The following PCSK5 variants were observed in gnomAD, a reference collection of about 807,000 sequenced individuals.
The protein encoded by PCSK5 is prohormone convertase 5.
In PCSK5, 129 loss-of-function variants were observed where a neutral mutation model predicts 233.2. The ratio of observed to expected loss-of-function variants is 0.55; its 90% CI spans 0.48 to 0.64. The LOEUF is 0.64. Among genes scored for constraint, PCSK5 ranks in the 30% least tolerant of loss-of-function variants. The pLI is 0.00. For synonymous variants in PCSK5, 825 were observed against 879.2 expected (o/e 0.94, Z 1.09); for missense variants, 2,076 against 2,430.1 (o/e 0.85, Z 3.06).
intron 30 of PCSK5, among the ~76,000 whole-genome samples, chr9:76,315,738 T>C (rs1286563692): frequency 6.6e-6 from 1 of 150,654 alleles, no homozygotes; most frequent in Non-Finnish European, 1.5e-5. Flanking sequence ...GTTCAAGCGA[T>C]TCTTCTGCCT....
intron 1 of PCSK5, among the ~76,000 whole-genome samples, chr9:75,923,079 C>T (rs1823324387): frequency 6.6e-6 from 1 of 152,146 alleles, no homozygotes; most frequent in Admixed American, 6.5e-5. Flanking sequence ...TGTGGCTCTA[C>T]AAAACCCTTT....
intron 7 of PCSK5, among the ~76,000 whole-genome samples, chr9:76,075,884 G>C (rs994476381): frequency 6.6e-6 from 1 of 152,124 alleles, no homozygotes; most frequent in South Asian, 2.1e-4. Flanking sequence ...GTAGATAAAG[G>C]GGTGAAAAAG....
At chr9:75,906,737 C>T (rs1361378816) in intron 1 of PCSK5, among the ~76,000 whole-genome samples, 1 of 152,160 alleles carries the variant, frequency 6.6e-6, no homozygotes, top group Non-Finnish European at 1.5e-5. Context: ...TGTTCAGAAG[C>T]CACCAGTAGC....
intron 3 of PCSK5, among the ~76,000 whole-genome samples, chr9:76,011,616 C>T (rs1034489851): frequency 6.6e-6 from 1 of 152,150 alleles, no homozygotes; most frequent in Non-Finnish European, 1.5e-5. Context: ...TTATCATGCT[C>T]TTTAAACATC....
At chr9:76,001,468 C>CTTTT (rs34379742) in intron 3 of PCSK5, among the ~76,000 whole-genome samples, 1,195 of 87,050 alleles carry the variant, frequency 0.014, 52 homozygotes, top group Non-Finnish European at 0.016. Context: ...ACCATCATAG[C>CTTTT]TTTTTTTTTT....
At chr9:76,194,664 AACTAGAAG>A (rs1331479792) in intron 20 of PCSK5, 1 of 427,368 alleles carries the variant, frequency 2.3e-6, no homozygotes, top group Non-Finnish European at 4.8e-6. Flanking sequence ...ACTTCATCGA[AACTAGAAG>A]ACTGAATTAT....
chr9:76,200,585 A>AT (rs1264089693), intron 20 of PCSK5, among the ~76,000 whole-genome samples: 1 of 152,248 alleles, frequency 6.6e-6, no homozygotes, highest in Non-Finnish European at 1.5e-5. Context: ...TGTGGAATGA[A>AT]TGAATAAGAA....
chr9:76,168,429 T>G (rs565118174), intron 12 of PCSK5, among the ~76,000 whole-genome samples: 1 of 152,338 alleles, frequency 6.6e-6, no homozygotes, highest in Admixed American at 6.5e-5. Flanking sequence ...ATTACAGGCA[T>G]GAACCGCTGC....
chr9:75,912,687 A>G (rs1489589345), intron 1 of PCSK5, among the ~76,000 whole-genome samples: 1 of 152,222 alleles, frequency 6.6e-6, no homozygotes, highest in African/African-American at 2.4e-5. Flanking sequence ...CCCATTCTCT[A>G]CTACATGATA....
At chr9:76,038,989 C>T (rs1563987646) in intron 5 of PCSK5, among the ~76,000 whole-genome samples, 3 of 152,104 alleles carry the variant, frequency 2.0e-5, no homozygotes, top group South Asian at 2.1e-4. Context: ...CAACATGGAG[C>T]GCGGGAACAA....
intron 1 of PCSK5, among the ~76,000 whole-genome samples, chr9:75,910,153 G>A (rs1410110372): frequency 2.6e-5 from 4 of 152,188 alleles, no homozygotes; most frequent in East Asian, 3.8e-4. Flanking sequence ...AGTCCATCTC[G>A]ATAAACACAA....
At chr9:76,292,143 T>C (rs1828295783) in intron 24 of PCSK5, 90 bp from the exon 25 acceptor site, 2 of 770,264 alleles carry the variant, frequency 2.6e-6, no homozygotes, top group African/African-American at 1.7e-5. Flanking sequence ...TCCCACAGGA[T>C]TGTTTATCTC....
intron 24 of PCSK5, among the ~76,000 whole-genome samples, chr9:76,288,432 T>C (rs1273313242): frequency 1.3e-5 from 2 of 152,188 alleles, no homozygotes; most frequent in Non-Finnish European, 2.9e-5. Flanking sequence ...ATACATAACC[T>C]GGAAGCTGGA....
intron 2 of PCSK5, among the ~76,000 whole-genome samples, chr9:75,947,549 A>T (rs1005369370): frequency 6.6e-6 from 1 of 152,182 alleles, no homozygotes; most frequent in African/African-American, 2.4e-5. Flanking sequence ...GTAAATAGGT[A>T]AGAAACAGGA....
intron 24 of PCSK5, among the ~76,000 whole-genome samples, chr9:76,253,336 G>A (rs1262233665): frequency 6.6e-6 from 1 of 151,740 alleles, no homozygotes; most frequent in Non-Finnish European, 1.5e-5. Flanking sequence ...CTGAAGATAA[G>A]AGAAACAAGC....
chr9:76,346,418 C>T (rs897823948), intron 35 of PCSK5, among the ~76,000 whole-genome samples: 1 of 152,142 alleles, frequency 6.6e-6, no homozygotes, highest in Non-Finnish European at 1.5e-5. Flanking sequence ...AGAATGTATT[C>T]AAGGGATGAC....
chr9:76,324,603 C>G (rs888300875), intron 32 of PCSK5, among the ~76,000 whole-genome samples: 2 of 152,120 alleles, frequency 1.3e-5, no homozygotes, highest in African/African-American at 4.8e-5. Context: ...TCCAAGGTCC[C>G]CATTTCCACT....
At chr9:76,251,743 T>C (rs1826815218) in intron 24 of PCSK5, among the ~76,000 whole-genome samples, 1 of 152,004 alleles carries the variant, frequency 6.6e-6, no homozygotes, top group South Asian at 2.1e-4. Context: ...CTGACTTAAC[T>C]CTATGGAATA....
At chr9:76,297,268 A>G (rs1828469107) in intron 27 of PCSK5, among the ~76,000 whole-genome samples, 1 of 152,212 alleles carries the variant, frequency 6.6e-6, no homozygotes. Context: ...ACAGTAAAGG[A>G]AAATTTTACC....
Sources: allele counts gnomAD v4.1 joint callset (sites outside exome capture counted in the v4.1 genomes callset), GRCh38; gene constraint gnomAD v4.1.1; transcripts MANE v1.5; gene names NCBI Gene and HGNC (gene_info 2026-07-23, HGNC 2026-07-21).